Variants in LHFPL6 observed in about 807,000 individuals in gnomAD.
LHFPL6 encodes LHFPL tetraspan subfamily member 6.
LHFPL6 carries 9 observed loss-of-function variants against 20.6 expected under a neutral mutation model. That is an observed-to-expected ratio of 0.44 (90% CI 0.26 to 0.76). LHFPL6 has a LOEUF of 0.76. Among genes scored for constraint, LHFPL6 ranks in the 30% least tolerant of loss-of-function variants. LHFPL6 has a pLI of 0.20. For synonymous variants in LHFPL6, 105 were observed against 98.7 expected (o/e 1.06, Z -0.38); for missense variants, 218 against 253.5 (o/e 0.86, Z 0.95).
intron 2 of LHFPL6, among the ~76,000 whole-genome samples, chr13:39,420,974 A>C (rs1413815936): frequency 6.6e-6 from 1 of 152,154 alleles, no homozygotes; most frequent in East Asian, 1.9e-4. Context: ...CCCCCCCCTC[A>C]AAACTAGGAA....
At chr13:39,461,131 C>T (rs1872678917) in intron 2 of LHFPL6, among the ~76,000 whole-genome samples, 1 of 152,124 alleles carries the variant, frequency 6.6e-6, no homozygotes, top group African/African-American at 2.4e-5. Flanking sequence ...GGATGATGGC[C>T]TCCAGGTCCA....
intron 2 of LHFPL6, among the ~76,000 whole-genome samples, chr13:39,445,870 G>C (rs1441874466): frequency 6.6e-6 from 1 of 151,952 alleles, no homozygotes; most frequent in Non-Finnish European, 1.5e-5. Context: ...CCACAGAAGA[G>C]CTTTAAATTT....
intron 2 of LHFPL6, among the ~76,000 whole-genome samples, chr13:39,502,833 A>G (rs947098924): frequency 3.3e-5 from 5 of 152,216 alleles, no homozygotes; most frequent in African/African-American, 4.8e-5. Context: ...AGTCTCTTCT[A>G]GTCTTTTCCA....
At chr13:39,382,425 G>A (rs904355725) in intron 2 of LHFPL6, among the ~76,000 whole-genome samples, 2 of 152,094 alleles carry the variant, frequency 1.3e-5, no homozygotes, top group Admixed American at 6.5e-5. Flanking sequence ...GTTTTTTTGA[G>A]ATGGAGTCTT....
chr13:39,584,216 TA>T (rs1172825614), intron 2 of LHFPL6, among the ~76,000 whole-genome samples: 1 of 152,140 alleles, frequency 6.6e-6, no homozygotes, highest in Non-Finnish European at 1.5e-5. Flanking sequence ...GCCTGACACC[TA>T]AAATACATTT....
At chr13:39,574,332 A>G (rs1200542072) in intron 2 of LHFPL6, among the ~76,000 whole-genome samples, 1 of 152,114 alleles carries the variant, frequency 6.6e-6, no homozygotes, top group African/African-American at 2.4e-5. Context: ...AATACAAAAA[A>G]TTAGCCAGAT....
intron 2 of LHFPL6, among the ~76,000 whole-genome samples, chr13:39,466,221 T>C (rs77155841): frequency 0.063 from 9,578 of 152,218 alleles, 1,023 homozygotes; most frequent in African/African-American, 0.22. Context: ...GTTTGATTGA[T>C]TTTTCTAAGG....
chr13:39,540,283 A>C lies in LHFPL6; in HGVS notation c.385+60549T>G, dbSNP rs533554858. Among the ~76,000 whole-genome samples, 10 of 152,264 alleles carry C rather than the reference A, an allele frequency of 6.6e-5. No homozygotes were observed. The South Asian group carries it at 2.1e-3, about 32-fold the overall frequency. ...TACTCACGAAAAAATACCATATTAG[A>C]GTCTTCTAATTATTTATGTATTAGT... On this transcript the variant is annotated intron_variant, in intron 2 of 3. Coordinates refer to ENST00000379589, the MANE Select transcript of LHFPL6 (RefSeq NM_005780.3).
At chr13:39,371,831 C>T (rs75209941) in intron 3 of LHFPL6, among the ~76,000 whole-genome samples, 6,247 of 152,252 alleles carry the variant, frequency 0.041, 218 homozygotes, top group African/African-American at 0.093. Context: ...TCCCTTTGAG[C>T]GGACACATGA....
At chr13:39,495,534 G>A (rs1176499714) in intron 2 of LHFPL6, among the ~76,000 whole-genome samples, 3 of 151,514 alleles carry the variant, frequency 2.0e-5, no homozygotes, top group Admixed American at 6.6e-5. Flanking sequence ...GAAAAGATAA[G>A]TTGTGGTACT....
chr13:39,446,667 GA>G (rs1045915477), intron 2 of LHFPL6, among the ~76,000 whole-genome samples: 1 of 134,614 alleles, frequency 7.4e-6, no homozygotes, highest in Non-Finnish European at 1.6e-5. Flanking sequence ...GAGAAACTAA[GA>G]TTTAGGAAAG....
intron 2 of LHFPL6, among the ~76,000 whole-genome samples, chr13:39,510,872 A>T (rs9603557): frequency 0.25 from 38,245 of 150,462 alleles, 5,546 homozygotes; most frequent in African/African-American, 0.4. Context: ...ATTACTTTAA[A>T]TTTTTTTTTT....
intron 3 of LHFPL6, among the ~76,000 whole-genome samples, chr13:39,345,512 CAAAAAAAAAAAA>C (rs71077225): frequency 6.9e-4 from 30 of 43,458 alleles, no homozygotes; most frequent in South Asian, 5.2e-3. Context: ...GACTCCATCT[CAAAAAAAAAAAA>C]AAAAAAAAAA....
At chr13:39,360,177 C>G (rs1869842151) in intron 3 of LHFPL6, among the ~76,000 whole-genome samples, 1 of 96,492 alleles carries the variant, frequency 1.0e-5, no homozygotes, top group South Asian at 3.6e-4. Context: ...TCCGCCACCA[C>G]GCCCGGCTAA....
At chr13:39,480,542 T>C (rs928154615) in intron 2 of LHFPL6, among the ~76,000 whole-genome samples, 2 of 152,174 alleles carry the variant, frequency 1.3e-5, no homozygotes, top group Admixed American at 6.6e-5. Context: ...AAAGCATGTG[T>C]CTTGATTGGT....
rs149529131 is a variant in LHFPL6, at chr13:39,567,459, A to G, written c.385+33373T>C. ...GTAAGTTGAAATTATCAAGGAAGTT[A>G]CAAGTAAACAATCTCTCAGAGCAAG... is the stretch of plus-strand genomic sequence containing the variant. On this transcript the variant is annotated intron_variant, in intron 2 of 3. Coordinates refer to ENST00000379589, the MANE Select transcript of LHFPL6 (RefSeq NM_005780.3). 9.8e-5 allele frequency among the ~76,000 whole-genome samples: 15 copies of G among 152,370 alleles called. 1 individual carries two copies. Among genetic ancestry groups the G allele is most frequent in the Middle Eastern group, 6.8e-3 (2 of 294 alleles).
At chr13:39,496,659 G>C (rs1224379744) in intron 2 of LHFPL6, among the ~76,000 whole-genome samples, 1 of 152,198 alleles carries the variant, frequency 6.6e-6, no homozygotes, top group Admixed American at 6.5e-5. Flanking sequence ...AGATATAAAA[G>C]AGCATGCAGC....
rs922482463 is a variant in LHFPL6, at chr13:39,453,944, G to C, written c.386-75418C>G. ...AAGGCCAAAGTCAAGGTCAGGCTCA[G>C]GGGTTTTGAGTGTATACGTGGACTT... is the stretch of plus-strand genomic sequence containing the variant. On this transcript the variant is annotated intron_variant, in intron 2 of 3. Transcript: ENST00000379589. 1.2e-4 allele frequency among the ~76,000 whole-genome samples: 18 copies of C among 152,318 alleles called. 1 individual carries two copies. The highest frequency in any genetic ancestry group is 9.1e-4 in the Admixed American group (14 of 15,306).
intron 2 of LHFPL6, among the ~76,000 whole-genome samples, chr13:39,490,408 C>T (rs1350246060): frequency 6.6e-6 from 1 of 152,148 alleles, no homozygotes; most frequent in Non-Finnish European, 1.5e-5. Context: ...GATAAATCAG[C>T]CTTAGAGGAC....
Sources: allele counts gnomAD v4.1 joint callset (sites outside exome capture counted in the v4.1 genomes callset), GRCh38; gene constraint gnomAD v4.1.1; transcripts MANE v1.5; gene names NCBI Gene and HGNC (gene_info 2026-07-23, HGNC 2026-07-21).